GUCY1A2: variants seen among roughly 807,000 people sequenced by gnomAD.
GUCY1A2 encodes guanylate cyclase soluble subunit alpha-2.
In GUCY1A2, 27 loss-of-function variants were observed where a neutral mutation model predicts 63.5. The observed-to-expected ratio is 0.43, with a 90% CI of 0.31 to 0.59. The LOEUF is 0.59. Ranked by LOEUF, GUCY1A2 falls within the 20% of genes least tolerant of loss-of-function variation. GUCY1A2 has a pLI of 0.11. For synonymous variants in GUCY1A2, 364 were observed against 343.5 expected (o/e 1.06, Z -0.66); for missense variants, 768 against 913.3 (o/e 0.84, Z 2.05).
chr11:106,847,634 G>A (rs1859294392), intron 4 of GUCY1A2, among the ~76,000 whole-genome samples: 1 of 151,508 alleles, frequency 6.6e-6, no homozygotes, highest in African/African-American at 2.4e-5. Flanking sequence ...ATATGCCTTA[G>A]TAAATTTCAG....
intron 4 of GUCY1A2, among the ~76,000 whole-genome samples, chr11:106,875,585 C>T (rs1859737923): frequency 6.6e-6 from 1 of 152,030 alleles, no homozygotes; most frequent in Non-Finnish European, 1.5e-5. Context: ...TGACTCTCAG[C>T]AGTCCCAAAC....
intron 7 of GUCY1A2, among the ~76,000 whole-genome samples, chr11:106,705,676 A>G (rs933719475): frequency 8.6e-5 from 13 of 151,928 alleles, no homozygotes; most frequent in African/African-American, 2.7e-4. Flanking sequence ...CTGGCTAAAA[A>G]GATGAAACCC....
chr11:106,821,543 T>C (rs1241660651), intron 4 of GUCY1A2, among the ~76,000 whole-genome samples: 15 of 152,196 alleles, frequency 9.9e-5, no homozygotes, highest in Admixed American at 9.8e-4. Context: ...ATCTGGTGTA[T>C]ATAACTACAC....
intron 6 of GUCY1A2, among the ~76,000 whole-genome samples, chr11:106,713,497 T>A (rs561968689): frequency 4.0e-5 from 1 of 24,832 alleles, no homozygotes; most frequent in East Asian, 4.0e-4. Context: ...AGTATGTTTC[T>A]TTTTTTTTTT....
At chr11:106,991,201 T>C (rs1036325014) in intron 1 of GUCY1A2, among the ~76,000 whole-genome samples, 2 of 151,938 alleles carry the variant, frequency 1.3e-5, no homozygotes, top group South Asian at 4.2e-4. Flanking sequence ...GGGATTTCAC[T>C]ATGTTGCCCA....
chr11:107,017,699 A>T, intron 1 of GUCY1A2, 54 bp downstream of exon 1: 1 of 1,128,392 alleles, frequency 8.9e-7, no homozygotes, highest in Non-Finnish European at 1.2e-6. Flanking sequence ...CGCCAACTTT[A>T]CAGATCCGCG....
At chr11:106,894,609 G>A (rs1463591482) in intron 4 of GUCY1A2, among the ~76,000 whole-genome samples, 1 of 152,094 alleles carries the variant, frequency 6.6e-6, no homozygotes, top group African/African-American at 2.4e-5. Flanking sequence ...TTGAAATGGG[G>A]TTAAATTATG....
At chr11:106,800,969 T>C (rs1864866637) in intron 5 of GUCY1A2, among the ~76,000 whole-genome samples, 1 of 152,086 alleles carries the variant, frequency 6.6e-6, no homozygotes. Context: ...GGCATATCAC[T>C]CCTGTGATCA....
chr11:106,819,465 C>T (rs1858873117), intron 4 of GUCY1A2, among the ~76,000 whole-genome samples: 1 of 152,142 alleles, frequency 6.6e-6, no homozygotes, highest in Admixed American at 6.6e-5. Context: ...AGCCACCCAA[C>T]CTTCAGCAAC....
chr11:106,968,540 T>C (rs1861154996), intron 3 of GUCY1A2, among the ~76,000 whole-genome samples: 1 of 152,232 alleles, frequency 6.6e-6, no homozygotes, highest in Non-Finnish European at 1.5e-5. Flanking sequence ...TATCCTTGCT[T>C]ATGAAAATCA....
At chr11:106,957,841 A>G (rs1861007357) in intron 3 of GUCY1A2, among the ~76,000 whole-genome samples, 2 of 125,274 alleles carry the variant, frequency 1.6e-5, no homozygotes, top group African/African-American at 6.1e-5. Context: ...GTCCAGTCTG[A>G]GCAAAGGGAC....
At chr11:106,820,402 A>T (rs530253229) in intron 4 of GUCY1A2, among the ~76,000 whole-genome samples, 2 of 152,220 alleles carry the variant, frequency 1.3e-5, no homozygotes, top group East Asian at 3.9e-4. Context: ...TTTTAAAAAA[A>T]ATATTATTTA....
At chr11:106,992,416 A>G (rs1379059219) in intron 1 of GUCY1A2, among the ~76,000 whole-genome samples, 2 of 133,970 alleles carry the variant, frequency 1.5e-5, no homozygotes, top group Non-Finnish European at 3.1e-5. Context: ...TGCAACCTCC[A>G]CCTCCCGGGT....
chr11:106,933,665 T>G (rs1860635914), intron 4 of GUCY1A2, among the ~76,000 whole-genome samples: 1 of 152,186 alleles, frequency 6.6e-6, no homozygotes, highest in South Asian at 2.1e-4. Context: ...GCAGCACTAT[T>G]CACAATAGCG....
At position 106,709,620 on chromosome 11, in the gene GUCY1A2, TG is replaced by T. The variant is rs1565264946; in HGVS notation, c.1837-955del. Among the ~76,000 whole-genome samples, 44 of 44,238 alleles carry T rather than the reference TG, an allele frequency of 9.9e-4. 6 individuals are homozygous for T. The highest frequency in any genetic ancestry group is 4.1e-3 in the South Asian group (4 of 980). The allele number at this position is 44,238 out of a possible 152,430, so 29.0% of individuals were successfully genotyped here. ...AATATATAGTTATATATTATATACG[TG>T]TATATATTATATACACGTATAGAAT... On this transcript the variant is annotated intron_variant, in intron 6 of 7. Transcript: ENST00000526355.
At chr11:106,981,518 A>G (rs898842288) in intron 2 of GUCY1A2, among the ~76,000 whole-genome samples, 8 of 152,088 alleles carry the variant, frequency 5.3e-5, no homozygotes, top group Non-Finnish European at 1.2e-4. Context: ...ATGGTTCTGA[A>G]TACATATTTC....
At chr11:106,987,507 G>T (rs1017469052) in intron 1 of GUCY1A2, among the ~76,000 whole-genome samples, 2 of 151,948 alleles carry the variant, frequency 1.3e-5, no homozygotes, top group Non-Finnish European at 2.9e-5. Context: ...CAAAAATTAG[G>T]CGAGCATGGT....
At chr11:106,952,878 G>A (rs912733747) in intron 3 of GUCY1A2, among the ~76,000 whole-genome samples, 2 of 152,062 alleles carry the variant, frequency 1.3e-5, no homozygotes, top group Non-Finnish European at 2.9e-5. Context: ...GACCTCAGGT[G>A]ATCTGCCTAT....
chr11:106,810,140 T>C lies in GUCY1A2; in HGVS notation c.1545A>G (p.Arg515=). 1 of 1,614,038 alleles carries C rather than the reference T, an allele frequency of 6.2e-7. No homozygotes were observed. The highest frequency in any genetic ancestry group is 8.5e-7 in the Non-Finnish European group (1 of 1,179,926). Residue 515 remains arginine (R), a synonymous_variant, in exon 5 of 8, where the codon AGA becomes AGG. Coordinates refer to ENST00000526355, the MANE Select transcript of GUCY1A2 (RefSeq NM_000855.3). ...AGAGCATGGTGACATCATCAAACTT[T>C]CTGGCCTGTACTTGCTGCCCTTGCC... The part of the protein sequence containing the change: ...QLWQGQQVQA[R]KFDDVTMLFS...
Sources: allele counts gnomAD v4.1 joint callset (sites outside exome capture counted in the v4.1 genomes callset), GRCh38; gene constraint gnomAD v4.1.1; transcripts MANE v1.5; gene names NCBI Gene and HGNC (gene_info 2026-07-23, HGNC 2026-07-21).